Variants in TLN2 observed in about 807,000 individuals in gnomAD.
The protein encoded by TLN2 is talin-2.
In TLN2, 118 loss-of-function variants were observed where a neutral mutation model predicts 294.7. That is an observed-to-expected ratio of 0.40 (90% CI 0.34 to 0.47). The LOEUF is 0.47. Among genes scored for constraint, TLN2 ranks in the 20% least tolerant of loss-of-function variants. TLN2 has a pLI of 0.84. For synonymous variants in TLN2, 1,431 were observed against 1,304.5 expected (o/e 1.10, Z -2.09); for missense variants, 3,083 against 3,282.2 (o/e 0.94, Z 1.48).
intron 8 of TLN2, 30 bp from the exon 9 acceptor site, chr15:62,657,741 C>A (rs1324541673): frequency 6.2e-7 from 1 of 1,608,596 alleles, no homozygotes; most frequent in East Asian, 2.2e-5. Flanking sequence ...CCCGAAGCCT[C>A]TGATGCTTTT....
chr15:62,406,344 G>A lies in TLN2; in HGVS notation c.-238+15659G>A, dbSNP rs138863381. ...CAGGGCAGATGAGCCCCAAAGTGGG[G>A]CTTAGTCCATGAGGGTTCTTGGCTT... On this transcript the variant is annotated intron_variant, in intron 1 of 58. Coordinates refer to ENST00000636159, the MANE Select transcript of TLN2 (RefSeq NM_015059.3). Among the ~76,000 whole-genome samples, 551 of 152,324 alleles carry A rather than the reference G, an allele frequency of 3.6e-3. 4 individuals carry two copies. The highest frequency in any genetic ancestry group is 0.022 in the South Asian group (108 of 4,822).
In TLN2 at chr15:62,826,666, C is replaced by T. The variant is rs947125853; in HGVS notation, c.7002+6056C>T. Among the ~76,000 whole-genome samples the T allele has an allele frequency of 1.2e-4, 18 of 152,096 alleles. 1 individual carries two copies. Among genetic ancestry groups the T allele is most frequent in the African/African-American group, 4.3e-4 (18 of 41,418 alleles). On this transcript the variant is annotated intron_variant, in intron 54 of 58. Coordinates refer to ENST00000636159, the MANE Select transcript of TLN2 (RefSeq NM_015059.3). Reference sequence around the variant, plus strand: ...CAGGCTAAGGCCTCCCTCAAGGCACCTCTCAGTTCAATACCAGAAGCAAAC... The same window carrying T: ...CAGGCTAAGGCCTCCCTCAAGGCACTTCTCAGTTCAATACCAGAAGCAAAC...
intron 1 of TLN2, among the ~76,000 whole-genome samples, chr15:62,556,823 A>G (rs1194829627): frequency 6.6e-6 from 1 of 152,196 alleles, no homozygotes; most frequent in East Asian, 1.9e-4. Context: ...ATGGGGCACT[A>G]TGTATAACTC....
At chr15:62,545,703 T>C (rs1479000851) in intron 1 of TLN2, among the ~76,000 whole-genome samples, 1 of 152,218 alleles carries the variant, frequency 6.6e-6, no homozygotes, top group Non-Finnish European at 1.5e-5. Flanking sequence ...GAAATCCATA[T>C]TGCTCTGTGT....
intron 1 of TLN2, among the ~76,000 whole-genome samples, chr15:62,569,587 G>A (rs28576736): frequency 0.011 from 1,610 of 152,336 alleles, 26 homozygotes; most frequent in African/African-American, 0.037. Flanking sequence ...CATGCATGAG[G>A]TTGGTGCAAT....
At chr15:62,556,658 T>TGGTAGTTTCTGTCTGCCTAG (rs1567094472) in intron 1 of TLN2, among the ~76,000 whole-genome samples, 1 of 152,218 alleles carries the variant, frequency 6.6e-6, no homozygotes, top group Non-Finnish European at 1.5e-5. Flanking sequence ...CACTAGACTC[T>TGGTAGTTTCTGTCTGCCTAG]AGGCAGACAG....
intron 2 of TLN2, among the ~76,000 whole-genome samples, chr15:62,604,007 G>A (rs921069038): frequency 6.6e-6 from 1 of 152,186 alleles, no homozygotes; most frequent in Non-Finnish European, 1.5e-5. Flanking sequence ...TCATAAATGG[G>A]TGTGGCTGTG....
chr15:62,662,822 G>GTTGT (rs1555461144), intron 9 of TLN2, among the ~76,000 whole-genome samples: 1,764 of 108,226 alleles, frequency 0.016, 40 homozygotes, highest in Middle Eastern at 0.048. Context: ...GATTGAGAGA[G>GTTGT]TTTTTTTTTT....
At chr15:62,761,182 C>T (rs1164002422) in intron 37 of TLN2, among the ~76,000 whole-genome samples, 1 of 152,162 alleles carries the variant, frequency 6.6e-6, no homozygotes, top group African/African-American at 2.4e-5. Context: ...GCCTGCCTTG[C>T]CTCCATCAGT....
intron 55 of TLN2, chr15:62,835,358 C>A (rs574332058): frequency 4.1e-6 from 1 of 246,614 alleles, no homozygotes; most frequent in Non-Finnish European, 7.9e-6. Flanking sequence ...TTTCTCTTAG[C>A]CCTTGAAAAG....
At chr15:62,548,811 A>G (rs2042133285) in intron 1 of TLN2, among the ~76,000 whole-genome samples, 1 of 152,204 alleles carries the variant, frequency 6.6e-6, no homozygotes, top group African/African-American at 2.4e-5. Flanking sequence ...CCAGGCAGAA[A>G]GGAATGGTAG....
At chr15:62,428,545 A>G (rs575511165) in intron 1 of TLN2, among the ~76,000 whole-genome samples, 49 of 152,298 alleles carry the variant, frequency 3.2e-4, no homozygotes, top group African/African-American at 1.2e-3. Flanking sequence ...ATTAAAGCCA[A>G]TTTCACTCCT....
intron 45 of TLN2, among the ~76,000 whole-genome samples, chr15:62,791,612 A>G (rs1210672047): frequency 6.6e-6 from 1 of 152,190 alleles, no homozygotes; most frequent in East Asian, 1.9e-4. Flanking sequence ...GGGGCCAAAA[A>G]TCTCCCAGGT....
At chr15:62,830,395 C>T (rs537874299) in intron 54 of TLN2, 1 of 152,706 alleles carries the variant, frequency 6.5e-6, no homozygotes, top group East Asian at 1.9e-4. Context: ...CTCTCAGCTG[C>T]AGTGGGGACT....
chr15:62,645,342 TC>T (rs1274842181), intron 3 of TLN2: 1 of 152,256 alleles, frequency 6.6e-6, no homozygotes, highest in Admixed American at 6.5e-5. Context: ...TCAGGCAGAT[TC>T]CCAGTGAACA....
chr15:62,514,138 T>C (rs1191295020), intron 1 of TLN2, among the ~76,000 whole-genome samples: 2 of 152,268 alleles, frequency 1.3e-5, no homozygotes, highest in African/African-American at 4.8e-5. Context: ...AGTTGCTTGT[T>C]GGCTACTAGC....
chr15:62,790,020 GGCT>G (rs1038490671), intron 45 of TLN2, among the ~76,000 whole-genome samples: 1 of 152,148 alleles, frequency 6.6e-6, no homozygotes, highest in Admixed American at 6.5e-5. Flanking sequence ...GCTGATCTCA[GGCT>G]GCTGCTGCTG....
At chr15:62,604,893 C>T (rs2047307000) in intron 2 of TLN2, among the ~76,000 whole-genome samples, 1 of 148,822 alleles carries the variant, frequency 6.7e-6, no homozygotes, top group Non-Finnish European at 1.5e-5. Flanking sequence ...GCTGCCGCCG[C>T]CTCCTCCTCC....
Position 62,810,033 on chromosome 15 carries a change from G to A in TLN2, c.6771+1G>A, listed in dbSNP as rs1244746750. 1 of 1,613,372 alleles carries A rather than the reference G, an allele frequency of 6.2e-7. No individual in the cohort carries two copies. Among genetic ancestry groups the A allele is most frequent in the Non-Finnish European group, 8.5e-7 (1 of 1,179,502 alleles). On this transcript the variant is annotated splice_donor_variant, in intron 52 of 58. Transcript: ENST00000636159. LOFTEE classifies it high-confidence loss of function. Reference sequence around the variant, plus strand: ...GGACCTCCTGGAGCACGTCTTGGTGGTAAGAAAGCGCATGAGTCAGGGCTG... The same window carrying A: ...GGACCTCCTGGAGCACGTCTTGGTGATAAGAAAGCGCATGAGTCAGGGCTG...
Sources: gnomAD v4.1 joint callset for allele counts (sites outside exome capture counted in the v4.1 genomes callset) on GRCh38, gnomAD v4.1.1 for gene constraint, MANE v1.5 for transcripts, NCBI Gene and HGNC (gene_info 2026-07-23, HGNC 2026-07-21) for gene names.